CTNNA2: variants seen among roughly 807,000 people sequenced by gnomAD.
The protein encoded by CTNNA2 is catenin alpha 2, also known as catenin alpha-2.
A neutral mutation model predicts 101.0 loss-of-function variants in CTNNA2; 42 were observed. The ratio of observed to expected loss-of-function variants is 0.42; its 90% CI spans 0.32 to 0.54. The LOEUF is 0.54. CTNNA2 is among the 20% of genes least tolerant of loss of function. CTNNA2 has a pLI of 0.14. For missense variants in CTNNA2, 871 were observed against 1,223.1 expected (o/e 0.71, Z 4.29); for synonymous variants, 450 against 456.4 (o/e 0.99, Z 0.18).
chr2:79,620,958 ACTGGT>A (rs1246804947), intron 1 of CTNNA2, among the ~76,000 whole-genome samples: 4 of 152,212 alleles, frequency 2.6e-5, no homozygotes, highest in African/African-American at 9.6e-5. Flanking sequence ...ATGACAAATC[ACTGGT>A]CTGCAGGCTT....
chr2:79,615,118 A>G (rs1297716516), intron 1 of CTNNA2, among the ~76,000 whole-genome samples: 1 of 152,312 alleles, frequency 6.6e-6, no homozygotes, highest in South Asian at 2.1e-4. Context: ...TCTTTTCAGC[A>G]TGTCTATATA....
chr2:79,856,613 A>G (rs932512009), intron 3 of CTNNA2, among the ~76,000 whole-genome samples: 11 of 152,130 alleles, frequency 7.2e-5, no homozygotes, highest in Admixed American at 6.5e-4. Flanking sequence ...TCACTCCCCA[A>G]AGTGGATATC....
chr2:80,074,479 A>C (rs189234423), intron 7 of CTNNA2, among the ~76,000 whole-genome samples: 8 of 152,332 alleles, frequency 5.3e-5, no homozygotes, highest in African/African-American at 9.6e-5. Context: ...AGAAGGTGGC[A>C]GAATGACAGT....
chr2:79,348,193 T>A (rs1457271833), intron 3 of CTNNA2, among the ~76,000 whole-genome samples: 1 of 152,178 alleles, frequency 6.6e-6, no homozygotes, highest in Non-Finnish European at 1.5e-5. Flanking sequence ...CAATTGATGT[T>A]TCATTTTTAA....
At chr2:80,476,525 C>A (rs1685744716) in intron 9 of CTNNA2, among the ~76,000 whole-genome samples, 1 of 152,106 alleles carries the variant, frequency 6.6e-6, no homozygotes, top group African/African-American at 2.4e-5. Context: ...TTTTCCCAGG[C>A]AATTGTTTTA....
At chr2:80,571,166 G>T (rs1412175253) in intron 12 of CTNNA2, among the ~76,000 whole-genome samples, 2 of 152,128 alleles carry the variant, frequency 1.3e-5, no homozygotes, top group Non-Finnish European at 2.9e-5. Flanking sequence ...ATTCGAGAAA[G>T]GTCTTCATGC....
chr2:79,519,545 A>C (rs1288318819), intron 1 of CTNNA2, among the ~76,000 whole-genome samples: 1 of 152,194 alleles, frequency 6.6e-6, no homozygotes, highest in Non-Finnish European at 1.5e-5. Flanking sequence ...TGAGTGACTT[A>C]GACTTATATC....
chr2:80,137,043 G>T (rs1255978603), intron 7 of CTNNA2, among the ~76,000 whole-genome samples: 1 of 152,182 alleles, frequency 6.6e-6, no homozygotes, highest in Non-Finnish European at 1.5e-5. Context: ...CACAGGAAGT[G>T]CCTGTGGTAC....
chr2:80,138,103 T>G (rs951429705), intron 7 of CTNNA2, among the ~76,000 whole-genome samples: 1 of 152,154 alleles, frequency 6.6e-6, no homozygotes, highest in Non-Finnish European at 1.5e-5. Flanking sequence ...CTTCAATCCT[T>G]TGGACTCTAT....
intron 18 of CTNNA2, among the ~76,000 whole-genome samples, chr2:80,619,493 A>C (rs1429746371): frequency 6.6e-6 from 1 of 151,940 alleles, no homozygotes; most frequent in Non-Finnish European, 1.5e-5. Flanking sequence ...TTGGGACTGA[A>C]AGTCATGGCA....
At chr2:79,705,134 C>T (rs1445125031) in intron 2 of CTNNA2, among the ~76,000 whole-genome samples, 1 of 152,064 alleles carries the variant, frequency 6.6e-6, no homozygotes, top group Admixed American at 6.5e-5. Context: ...GGTTCCACTC[C>T]CTGCTCCCCA....
chr2:79,426,559 A>G (rs1394867245), intron 4 of CTNNA2, among the ~76,000 whole-genome samples: 1 of 152,144 alleles, frequency 6.6e-6, no homozygotes, highest in Non-Finnish European at 1.5e-5. Flanking sequence ...ACAGATGACT[A>G]GGAACAAGCA....
At chr2:80,498,103 C>T (rs767678790) in intron 9 of CTNNA2, among the ~76,000 whole-genome samples, 5 of 152,138 alleles carry the variant, frequency 3.3e-5, no homozygotes, top group Non-Finnish European at 5.9e-5. Context: ...GGTATCAAGT[C>T]TCTTAGTTAA....
chr2:80,558,267 C>G (rs3755098), intron 12 of CTNNA2, among the ~76,000 whole-genome samples: 44 of 152,306 alleles, frequency 2.9e-4, no homozygotes, highest in African/African-American at 9.4e-4. Context: ...AATAATGTTA[C>G]TATTTTGTGA....
At chr2:80,128,906 TGG>T (rs1391956633) in intron 7 of CTNNA2, among the ~76,000 whole-genome samples, 1 of 152,202 alleles carries the variant, frequency 6.6e-6, no homozygotes, top group African/African-American at 2.4e-5. Context: ...GCTTTGCTCC[TGG>T]ATATTGCCTA....
chr2:80,478,244 G>T (rs547351183), intron 9 of CTNNA2, among the ~76,000 whole-genome samples: 1 of 152,014 alleles, frequency 6.6e-6, no homozygotes, highest in Admixed American at 6.6e-5. Flanking sequence ...GGGATTATTT[G>T]TTATTGGTTT....
rs115046319 is a variant in CTNNA2 at position 80,117,261 on chromosome 2, T to C, written c.1056+207464T>C. ...AACAATGCATATAACACTCAGACTG[T>C]AGTTCTTTACTCTAATGGAGGATTT... On this transcript the variant is annotated intron_variant, in intron 7 of 18. Coordinates refer to ENST00000402739, the MANE Select transcript of CTNNA2 (RefSeq NM_001282597.3). Among the ~76,000 whole-genome samples, 1,107 of 152,260 alleles carry C rather than the reference T, an allele frequency of 7.3e-3. 13 individuals carry two copies. The highest frequency in any genetic ancestry group is 0.025 in the African/African-American group (1,051 of 41,550).
intron 7 of CTNNA2, among the ~76,000 whole-genome samples, chr2:80,077,816 G>A (rs1376651514): frequency 6.6e-6 from 1 of 152,204 alleles, no homozygotes; most frequent in African/African-American, 2.4e-5. Context: ...ACTCGTGAGA[G>A]AGGGCACAGG....
At chr2:79,494,439 T>A (rs977009000) in intron 4 of CTNNA2, among the ~76,000 whole-genome samples, 1 of 152,112 alleles carries the variant, frequency 6.6e-6, no homozygotes, top group African/African-American at 2.4e-5. Context: ...ATCAAGACAG[T>A]GTAGTACTGG....
Sources: gnomAD v4.1 joint callset for allele counts (sites outside exome capture counted in the v4.1 genomes callset) on GRCh38, gnomAD v4.1.1 for gene constraint, MANE v1.5 for transcripts, NCBI Gene and HGNC (gene_info 2026-07-23, HGNC 2026-07-21) for gene names.